The following GLI3 variants were observed in gnomAD, a reference collection of about 807,000 sequenced individuals.
The protein encoded by GLI3 is transcription activator GLI3.
Under a neutral mutation model 100.8 loss-of-function variants are expected in GLI3, and 20 were observed. The observed-to-expected ratio is 0.20, with a 90% CI of 0.14 to 0.29. The LOEUF is 0.29. Among genes scored for constraint, GLI3 ranks in the 10% least tolerant of loss-of-function variants. The probability of loss-of-function intolerance (pLI) is 1.00; values close to 1 mark genes in which losing one functional copy is unlikely to be tolerated. For missense variants in GLI3, 2,040 were observed against 2,128.5 expected, an observed-to-expected ratio of 0.96 and a Z score of 0.82; for synonymous variants, 938 against 860.5, an observed-to-expected ratio of 1.09 and a Z score of -1.58.
Position 41,965,523 on chromosome 7 carries a change from C to A in GLI3, c.3550G>T (p.Ala1184Ser). ...SSKLKCGPRPAVPQTRAFGFC... is the reference protein window; with the variant it reads ...SSKLKCGPRPSVPQTRAFGFC... ...CCAAAGGCGCGAGTCTGCGGCACAGCGGGCCGCGGCCCACACTTGAGCTTG... is the reference window on the plus strand; with the variant it reads ...CCAAAGGCGCGAGTCTGCGGCACAGAGGGCCGCGGCCCACACTTGAGCTTG... The change falls in exon 15 of 15, where the codon GCT (alanine) becomes TCT (serine). Residue 1184 changes from alanine (A) to serine (S), a missense_variant. Ala to Ser is a moderately conservative substitution (Grantham distance 99). Around this residue, in one of 5 missense-constraint regions of GLI3, gnomAD observed 1,041 missense variants for 924.0 expected, o/e 1.13. Coordinates refer to ENST00000395925, the MANE Select transcript of GLI3 (RefSeq NM_000168.6). 3 of 1,605,218 alleles carry A rather than the reference C, an allele frequency of 1.9e-6. No homozygotes were observed. Among genetic ancestry groups the A allele is most frequent in the Non-Finnish European group, 1.7e-6 (2 of 1,173,204 alleles).
chr7:42,182,681 T>TACAC (rs1554337004), intron 2 of GLI3, among the ~76,000 whole-genome samples: 4 of 56,770 alleles, frequency 7.0e-5, no homozygotes, highest in East Asian at 6.9e-4. Context: ...TATATATATA[T>TACAC]ACACATGTGT....
rs1787002857 is a variant in GLI3, at chr7:41,961,196, A to G, written c.*3134T>C. On this transcript the variant is annotated 3_prime_UTR_variant, in exon 15 of 15. Transcript: ENST00000395925. ...ATGTGTTTCTTTTAAAAAAAGGATTACACATTTTATTTTTTAAAAAAATCT... is the reference window on the plus strand; with the variant it reads ...ATGTGTTTCTTTTAAAAAAAGGATTGCACATTTTATTTTTTAAAAAAATCT... The G allele has an allele frequency of 6.6e-6, 1 of 152,646 alleles. No individual in the cohort carries two copies. Among genetic ancestry groups the G allele is most frequent in the African/African-American group, 2.4e-5 (1 of 41,460 alleles). The allele number at this position is 152,646 out of a possible 1,614,324, so 9.5% of individuals were successfully genotyped here. A position where few individuals can be genotyped will look rare whatever the true frequency, so the allele number is the denominator to read the frequency against.
At chr7:42,213,354 G>A (rs929877056) in intron 2 of GLI3, among the ~76,000 whole-genome samples, 1 of 152,132 alleles carries the variant, frequency 6.6e-6, no homozygotes, top group Non-Finnish European at 1.5e-5. Context: ...GGTCACTTCG[G>A]GAATGAAAAG....
chr7:42,194,994 T>G (rs897397860), intron 2 of GLI3, among the ~76,000 whole-genome samples: 2 of 152,058 alleles, frequency 1.3e-5, no homozygotes, highest in African/African-American at 4.8e-5. Context: ...CTCAAACTCC[T>G]GACCTCAAGT....
intron 3 of GLI3, among the ~76,000 whole-genome samples, chr7:42,096,124 C>T (rs554416055): frequency 2.1e-4 from 32 of 152,156 alleles, no homozygotes; most frequent in African/African-American, 7.5e-4. Flanking sequence ...TGGTGCACTC[C>T]GGGATGTTCG....
rs1789071751 is a variant in GLI3 at position 42,025,124 on chromosome 7, A to C, written c.1356+140T>G. 4.6e-6 allele frequency: 3 copies of C among 649,630 alleles called. No homozygotes were observed. In the African/African-American group the frequency reaches 5.4e-5, roughly 12 times the overall value. 40.2% of individuals were successfully genotyped at this position (649,630 alleles called of 1,614,324 possible). On this transcript the variant is annotated intron_variant, in intron 9 of 14. Coordinates refer to ENST00000395925, the MANE Select transcript of GLI3 (RefSeq NM_000168.6). ...ATCTAGCCTTTTGTACAACATGTAG[A>C]GTACGGCCAAGGTCAACAATGCAGT...
intron 3 of GLI3, among the ~76,000 whole-genome samples, chr7:42,147,321 A>G (rs1368279103): frequency 6.6e-6 from 1 of 152,180 alleles, no homozygotes; most frequent in Non-Finnish European, 1.5e-5. Context: ...TTGCCTTAAA[A>G]CACTAAAATT....
chr7:42,187,400 G>A (rs1037225061), intron 2 of GLI3, among the ~76,000 whole-genome samples: 3 of 151,964 alleles, frequency 2.0e-5, no homozygotes, highest in African/African-American at 7.3e-5. Context: ...AGTTTATCAA[G>A]TTTATCACTG....
At chr7:42,148,617 G>C in intron 2 of GLI3, 149 bp from the exon 3 acceptor site, 1 of 758,940 alleles carries the variant, frequency 1.3e-6, no homozygotes, top group Non-Finnish European at 2.2e-6. Context: ...TACAGGGCTG[G>C]GATGGGATCT....
At position 42,026,420 on chromosome 7, in the gene GLI3, G is replaced by T. The variant is rs972542277; in HGVS notation, c.1029-8C>A. On this transcript the variant is annotated splice_region_variant and splice_polypyrimidine_tract_variant and intron_variant, in intron 7 of 14. Transcript: ENST00000395925. The stretch of plus-strand genomic sequence containing the variant: ...GTGAAGCTCAAGGCAGGGCTGCACG[G>T]GGGAGATAAAAAAAGACGATCATCA... 1 of 1,610,670 alleles carries T rather than the reference G, an allele frequency of 6.2e-7. No individual in the cohort carries two copies. Among genetic ancestry groups the T allele is most frequent in the African/African-American group, 1.3e-5 (1 of 74,786 alleles).
At chr7:42,039,074 C>A (rs931468789) in intron 7 of GLI3, among the ~76,000 whole-genome samples, 1 of 152,164 alleles carries the variant, frequency 6.6e-6, no homozygotes, top group African/African-American at 2.4e-5. Context: ...TAACTGAATT[C>A]TTAAATTATT....
chr7:42,072,253 T>C (rs1042882045), intron 4 of GLI3, among the ~76,000 whole-genome samples: 2 of 152,212 alleles, frequency 1.3e-5, no homozygotes, highest in African/African-American at 4.8e-5. Flanking sequence ...GATCTCAGTA[T>C]GAAACAGAAA....
intron 3 of GLI3, among the ~76,000 whole-genome samples, chr7:42,136,889 C>G (rs1450861236): frequency 6.6e-6 from 1 of 152,228 alleles, no homozygotes; most frequent in Non-Finnish European, 1.5e-5. Flanking sequence ...TGATCCCAAA[C>G]CACTGGCAAC....
intron 3 of GLI3, among the ~76,000 whole-genome samples, chr7:42,115,275 A>G (rs1288016978): frequency 6.6e-6 from 1 of 150,994 alleles, no homozygotes. Context: ...AGTAGCTGGG[A>G]CTACAGGCGC....
intron 1 of GLI3, among the ~76,000 whole-genome samples, chr7:42,258,314 G>T (rs1789106671): frequency 6.6e-6 from 1 of 152,110 alleles, no homozygotes; most frequent in South Asian, 2.1e-4. Flanking sequence ...CTCTTATTTA[G>T]CTCTGGTCAA....
intron 7 of GLI3, among the ~76,000 whole-genome samples, chr7:42,039,233 CAT>C (rs1428530975): frequency 9.2e-5 from 14 of 152,174 alleles, no homozygotes; most frequent in Admixed American, 2.0e-4. Context: ...ACCTAAAATT[CAT>C]ATGTTGGCTT....
At chr7:42,164,135 G>T (rs1181814495) in intron 2 of GLI3, among the ~76,000 whole-genome samples, 1 of 152,122 alleles carries the variant, frequency 6.6e-6, no homozygotes, top group Non-Finnish European at 1.5e-5. Context: ...TAATCACTAG[G>T]ACACATCCTG....
intron 3 of GLI3, among the ~76,000 whole-genome samples, chr7:42,095,687 G>C (rs1306141346): frequency 6.6e-6 from 1 of 152,182 alleles, no homozygotes; most frequent in Non-Finnish European, 1.5e-5. Flanking sequence ...GGAAGCAGGA[G>C]AGGACACAAG....
At chr7:42,132,201 C>G (rs996646462) in intron 3 of GLI3, among the ~76,000 whole-genome samples, 1 of 151,816 alleles carries the variant, frequency 6.6e-6, no homozygotes, top group Non-Finnish European at 1.5e-5. Context: ...CCTGGGTTCA[C>G]GCCATTCTCC....
Sources: allele counts gnomAD v4.1 joint callset (sites outside exome capture counted in the v4.1 genomes callset), GRCh38; gene constraint gnomAD v4.1.1; regional missense constraint gnomAD v4.1.1; transcripts MANE v1.5; gene names NCBI Gene and HGNC (gene_info 2026-07-23, HGNC 2026-07-21).